The following PDIA5 variants were observed in gnomAD, a reference collection of about 807,000 sequenced individuals.
PDIA5 encodes the protein protein disulfide isomerase family A member 5.
In PDIA5, 58 loss-of-function variants were observed where a neutral mutation model predicts 77.6. The ratio of observed to expected loss-of-function variants is 0.75; its 90% confidence interval spans 0.61 to 0.93. The LOEUF (loss-of-function observed/expected upper bound fraction) is 0.93, where lower values mean the gene tolerates loss of function less well. Ranked by LOEUF, PDIA5 falls within the 40% of genes least tolerant of loss-of-function variation. The pLI is 0.00. For synonymous variants in PDIA5, 250 were observed against 252.1 expected (o/e 0.99, Z 0.08); for missense variants, 630 against 647.7 (o/e 0.97, Z 0.30).
rs371939465 is a variant in PDIA5, at chr3:123,071,671, G to A, written c.42+4465G>A. ...AAGAGTGGCAGCCCCTGTGTGCTGG[G>A]GATCCAGGACGAGGCCAAGCAGTGG... On this transcript the variant is annotated intron_variant, in intron 1 of 16. Coordinates refer to ENST00000316218, the MANE Select transcript of PDIA5 (RefSeq NM_006810.4). Among the ~76,000 whole-genome samples, 18 of 152,318 alleles carry A rather than the reference G, an allele frequency of 1.2e-4. No homozygotes were observed. The East Asian group carries it at 3.1e-3, about 26-fold the overall frequency.
Position 123,089,147 on chromosome 3 carries a change from CG to C in PDIA5, c.43-20del, listed in dbSNP as rs772829092. ...CCAGCCAGAAGCTGGAACTCACAGT[CG>C]TTGGCTCCTTGATCCCCAGGTGGTC... On this transcript the variant is annotated intron_variant, in intron 1 of 16. Coordinates refer to ENST00000316218, the MANE Select transcript of PDIA5 (RefSeq NM_006810.4). The C allele has an allele frequency of 5.0e-6, 8 of 1,609,254 alleles. No individual in the cohort carries two copies. The highest frequency in any genetic ancestry group is 6.8e-6 in the Non-Finnish European group (8 of 1,177,308).
chr3:123,135,102 C>T (rs577801383), intron 11 of PDIA5, among the ~76,000 whole-genome samples: 93 of 152,288 alleles, frequency 6.1e-4, no homozygotes, highest in African/African-American at 2.1e-3. Context: ...ACCCGTGGCA[C>T]CTTTTTGTTT....
rs555451534 is a variant in PDIA5, at chr3:123,121,324, G to A, written c.610-2742G>A. Among the ~76,000 whole-genome samples the A allele has an allele frequency of 1.7e-3, 266 of 152,316 alleles. 1 individual carries two copies. The highest frequency in any genetic ancestry group is 6.1e-3 in the African/African-American group (252 of 41,552). On this transcript the variant is annotated intron_variant, in intron 8 of 16. Transcript: ENST00000316218. Reference sequence around the variant, plus strand: ...GCAGCAGGGCTGAACACACAGAAGAGCATGTCACGCCAGCTGAGTGGCCCC... The same window carrying A: ...GCAGCAGGGCTGAACACACAGAAGAACATGTCACGCCAGCTGAGTGGCCCC...
Position 123,150,234 on chromosome 3 carries a change from C to T in PDIA5, c.1143C>T (p.Asn381=). ...TCCCCACTCCCCTGGCTTCTTGCAG[C>T]CCTGAGGCCCCCCCGCCCCCAGAGC... ...TKKKFLEWMQ[N]PEAPPPPEPT... is the part of the protein sequence containing the mutation. The change falls in exon 14 of 17, where the codon AAC becomes AAT. Residue 381 remains asparagine (N), a splice_region_variant and synonymous_variant. Coordinates refer to ENST00000316218, the MANE Select transcript of PDIA5 (RefSeq NM_006810.4). 1 of 1,610,976 alleles carries T rather than the reference C, an allele frequency of 6.2e-7. No homozygotes were observed. Among genetic ancestry groups the T allele is most frequent in the Non-Finnish European group, 8.5e-7 (1 of 1,178,240 alleles).
chr3:123,118,252 C>T (rs1219096475), intron 8 of PDIA5, among the ~76,000 whole-genome samples: 3 of 152,216 alleles, frequency 2.0e-5, no homozygotes, highest in African/African-American at 7.2e-5. Context: ...GGCACACATA[C>T]ATCACCCCAG....
Position 123,150,225 on chromosome 3 carries a change from T to C in PDIA5, c.1143-9T>C. The C allele has an allele frequency of 6.2e-7, 1 of 1,607,954 alleles. No homozygotes were observed. The highest frequency in any genetic ancestry group is 8.5e-7 in the Non-Finnish European group (1 of 1,176,612). On this transcript the variant is annotated splice_polypyrimidine_tract_variant and intron_variant, in intron 13 of 16. Coordinates refer to ENST00000316218, the MANE Select transcript of PDIA5 (RefSeq NM_006810.4). ...ATGGCTGCCTCCCCACTCCCCTGGC[T>C]TCTTGCAGCCCTGAGGCCCCCCCGC...
chr3:123,107,557 A>G (rs1000165896), intron 6 of PDIA5, among the ~76,000 whole-genome samples: 5 of 152,148 alleles, frequency 3.3e-5, no homozygotes, highest in African/African-American at 1.2e-4. Context: ...GCTGTGACAC[A>G]CATTGCCCCT....
chr3:123,154,664 A>C (rs945415975), intron 14 of PDIA5, among the ~76,000 whole-genome samples: 2 of 152,126 alleles, frequency 1.3e-5, no homozygotes, highest in Non-Finnish European at 2.9e-5. Context: ...CTCTGCCCCC[A>C]AGATCAGGCT....
rs1935767542 is a variant in PDIA5, at chr3:123,146,169, A to C, written c.1052A>C (p.Glu351Ala). 1 of 1,614,030 alleles carries C rather than the reference A, an allele frequency of 6.2e-7. No individual in the cohort carries two copies. The highest frequency in any genetic ancestry group is 1.6e-4 in the Middle Eastern group (1 of 6,062). ...KALAERFHIS[E>A]FPTLKYFKNG... Reference sequence around the variant, plus strand: ...CTGGCAGAAAGATTCCACATCTCAGAGTTTCCTACGTTGAAGTATTTTAAG... The same window carrying C: ...CTGGCAGAAAGATTCCACATCTCAGCGTTTCCTACGTTGAAGTATTTTAAG... The change falls in exon 13 of 17, where the codon GAG (glutamate) becomes GCG (alanine). Residue 351 changes from glutamate (E) to alanine (A), a missense_variant. Physicochemically the swap from Glu to Ala is moderately radical, Grantham distance 107 (BLOSUM62 -1). Coordinates refer to ENST00000316218, the MANE Select transcript of PDIA5 (RefSeq NM_006810.4).
chr3:123,114,431 C>CT (rs1047075677), intron 7 of PDIA5, among the ~76,000 whole-genome samples: 2 of 152,190 alleles, frequency 1.3e-5, no homozygotes, highest in African/African-American at 4.8e-5. Flanking sequence ...CCGGCTCTAT[C>CT]TAACACCTGC....
chr3:123,090,488 C>A (rs986691158), intron 2 of PDIA5, among the ~76,000 whole-genome samples: 1 of 152,130 alleles, frequency 6.6e-6, no homozygotes, highest in Non-Finnish European at 1.5e-5. Flanking sequence ...GTGAGGGAGG[C>A]AGTGCAGGTT....
intron 1 of PDIA5, among the ~76,000 whole-genome samples, chr3:123,080,266 T>C (rs2107909988): frequency 6.6e-6 from 1 of 152,276 alleles, no homozygotes; most frequent in African/African-American, 2.4e-5. Flanking sequence ...GCCTTCTGGG[T>C]CCAGCTGAGT....
chr3:123,114,090 C>T (rs1215963250), intron 7 of PDIA5, among the ~76,000 whole-genome samples: 1 of 152,230 alleles, frequency 6.6e-6, no homozygotes, highest in African/African-American at 2.4e-5. Context: ...ACTGGCCCTG[C>T]CCACAGGGAC....
At chr3:123,115,057 G>A (rs1258243528) in intron 7 of PDIA5, among the ~76,000 whole-genome samples, 1 of 152,154 alleles carries the variant, frequency 6.6e-6, no homozygotes, top group East Asian at 1.9e-4. Flanking sequence ...GCCTGTCTAG[G>A]CGTCAGCTAA....
In PDIA5 at chr3:123,136,835, T is replaced by C. The variant is rs1484762341; in HGVS notation, c.910+6219T>C. Among the ~76,000 whole-genome samples the C allele has an allele frequency of 2.0e-5, 3 of 152,150 alleles. No individual in the cohort carries two copies. In the East Asian group the frequency reaches 5.8e-4, roughly 29 times the overall value. ...TCTGTGATTTGCTTTTTTTAACTTG[T>C]CAATAGGTCTCGAAGATATTTTCAT... On this transcript the variant is annotated intron_variant, in intron 11 of 16. Transcript: ENST00000316218.
chr3:123,071,928 G>A (rs1202710137), intron 1 of PDIA5, among the ~76,000 whole-genome samples: 2 of 152,210 alleles, frequency 1.3e-5, no homozygotes, highest in Non-Finnish European at 2.9e-5. Flanking sequence ...GGGAAATGAG[G>A]AATGATAGGC....
At chr3:123,141,761 A>T (rs989391451) in intron 11 of PDIA5, among the ~76,000 whole-genome samples, 1 of 152,218 alleles carries the variant, frequency 6.6e-6, no homozygotes, top group Non-Finnish European at 1.5e-5. Context: ...AAGCAAAAAA[A>T]TAATTTTTTA....
chr3:123,097,688 C>T (rs575123713), intron 3 of PDIA5, among the ~76,000 whole-genome samples: 3 of 151,994 alleles, frequency 2.0e-5, no homozygotes, highest in South Asian at 2.1e-4. Context: ...CACTCGCCCC[C>T]GCCCCCTCCC....
At chr3:123,154,839 A>G in intron 14 of PDIA5, 132 bp from the exon 15 acceptor site, 2 of 704,668 alleles carry the variant, frequency 2.8e-6, no homozygotes, top group Admixed American at 3.9e-5. Flanking sequence ...TGACAAAAGG[A>G]CCCTGACAGT....
Sources: allele counts gnomAD v4.1 joint callset (sites outside exome capture counted in the v4.1 genomes callset), GRCh38; gene constraint gnomAD v4.1.1; transcripts MANE v1.5; gene names NCBI Gene and HGNC (gene_info 2026-07-23, HGNC 2026-07-21).